Variants in NFAT5 observed in about 807,000 individuals in gnomAD.
NFAT5 encodes the protein nuclear factor of activated T-cells 5.
In NFAT5, 31 loss-of-function variants were observed where a neutral mutation model predicts 166.5. The ratio of observed to expected loss-of-function variants is 0.19; its 90% CI spans 0.14 to 0.25. NFAT5 has a LOEUF of 0.25. Among genes scored for constraint, NFAT5 ranks in the 10% least tolerant of loss-of-function variants. The pLI is 1.00. For missense variants in NFAT5, 1,449 were observed against 1,821.8 expected (o/e 0.80, Z 3.72); for synonymous variants, 612 against 639.7 (o/e 0.96, Z 0.65).
chr16:69,676,554 C>G (rs1332818810), intron 9 of NFAT5, among the ~76,000 whole-genome samples: 2 of 151,640 alleles, frequency 1.3e-5, no homozygotes, highest in African/African-American at 4.9e-5. Flanking sequence ...CAATATGTAC[C>G]TTATGTAAGG....
In NFAT5 at chr16:69,691,855, A is replaced by G. The variant is rs1398457637; in HGVS notation, c.2030A>G (p.Asn677Ser). The change falls in exon 13 of 15, where the codon AAT (asparagine) becomes AGT (serine). Residue 677 changes from asparagine to serine, a missense_variant. Asn to Ser is a conservative substitution (Grantham distance 46, BLOSUM62 1). Transcript: ENST00000349945. ...SPSSSHLPSE[N>S]EKQQQIQPKA... The stretch of plus-strand genomic sequence containing the variant: ...TCATCTTCCCACCTACCTTCTGAAA[A>G]TGAAAAACAGCAGCAGATTCAGCCC... 1.9e-6 allele frequency: 3 copies of G among 1,614,066 alleles called. No homozygotes were observed. The highest frequency in any genetic ancestry group is 1.7e-6 in the Non-Finnish European group (2 of 1,180,046).
At chr16:69,567,706 A>G (rs2016150851) in intron 1 of NFAT5, among the ~76,000 whole-genome samples, 1 of 152,144 alleles carries the variant, frequency 6.6e-6, no homozygotes, top group Non-Finnish European at 1.5e-5. Context: ...CAATGACTTT[A>G]GTTGGCAGCC....
chr16:69,658,486 A>G (rs2035986974), intron 6 of NFAT5, among the ~76,000 whole-genome samples: 2 of 151,054 alleles, frequency 1.3e-5, no homozygotes, highest in African/African-American at 4.8e-5. Flanking sequence ...TCTGTCTCAA[A>G]AAAAAAAAAA....
At chr16:69,677,907 C>T (rs2036895360) in intron 10 of NFAT5, among the ~76,000 whole-genome samples, 1 of 151,928 alleles carries the variant, frequency 6.6e-6, no homozygotes, top group Non-Finnish European at 1.5e-5. Context: ...AATCTCAGCA[C>T]TTTGGGAGGC....
At chr16:69,648,467 C>G (rs2035541021) in intron 4 of NFAT5, 4 of 978,830 alleles carry the variant, frequency 4.1e-6, no homozygotes, top group Non-Finnish European at 4.9e-6. Context: ...TTAAATCACT[C>G]ATTTTTTTTC....
chr16:69,636,952 CAT>C (rs1330570739), intron 3 of NFAT5, among the ~76,000 whole-genome samples: 1 of 152,198 alleles, frequency 6.6e-6, no homozygotes, highest in African/African-American at 2.4e-5. Flanking sequence ...TTTTCTGTCG[CAT>C]AGTCAGGCTG....
At chr16:69,611,317 G>A (rs895206184) in intron 2 of NFAT5, among the ~76,000 whole-genome samples, 4 of 152,154 alleles carry the variant, frequency 2.6e-5, no homozygotes, top group Non-Finnish European at 5.9e-5. Context: ...TCTGTTTTAA[G>A]TATGTGTTCT....
At chr16:69,654,085 A>G (rs2035786404) in intron 5 of NFAT5, among the ~76,000 whole-genome samples, 1 of 152,160 alleles carries the variant, frequency 6.6e-6, no homozygotes, top group Non-Finnish European at 1.5e-5. Flanking sequence ...ACTAAAAGTT[A>G]AAAGGGACTT....
At chr16:69,685,089 T>C (rs1197079462) in intron 11 of NFAT5, 119 bp downstream of exon 11, 6 of 456,476 alleles carry the variant, frequency 1.3e-5, no homozygotes, top group Non-Finnish European at 2.3e-5. Context: ...TATCTTCATA[T>C]TGTAAAATAA....
intron 2 of NFAT5, among the ~76,000 whole-genome samples, chr16:69,572,204 G>A (rs1475270275): frequency 1.3e-5 from 2 of 152,232 alleles, no homozygotes; most frequent in East Asian, 1.9e-4. Flanking sequence ...GCCTGACAAT[G>A]GGAAAAGGGT....
intron 11 of NFAT5, among the ~76,000 whole-genome samples, chr16:69,686,958 G>A (rs530308880): frequency 2.6e-5 from 4 of 152,294 alleles, no homozygotes; most frequent in Admixed American, 2.0e-4. Context: ...ACACCAGCTT[G>A]ATGTTCTTAG....
At chr16:69,604,892 T>C (rs1567534262) in intron 2 of NFAT5, among the ~76,000 whole-genome samples, 1 of 152,246 alleles carries the variant, frequency 6.6e-6, no homozygotes, top group Non-Finnish European at 1.5e-5. Context: ...TCATTTATTC[T>C]TGTGGGGGAA....
chr16:69,586,088 T>TGTAAA (rs2032046562), intron 2 of NFAT5, among the ~76,000 whole-genome samples: 2 of 152,232 alleles, frequency 1.3e-5, no homozygotes, highest in South Asian at 4.1e-4. Flanking sequence ...TACTTTTTTT[T>TGTAAA]GTAAAGTTTG....
chr16:69,599,319 G>A (rs939162146), intron 2 of NFAT5, among the ~76,000 whole-genome samples: 2 of 152,168 alleles, frequency 1.3e-5, no homozygotes, highest in Non-Finnish European at 2.9e-5. Context: ...GCTCACACCT[G>A]CAATCCCAGC....
At chr16:69,639,270 G>A (rs1334350900) in intron 3 of NFAT5, among the ~76,000 whole-genome samples, 6 of 152,156 alleles carry the variant, frequency 3.9e-5, no homozygotes, top group African/African-American at 1.4e-4. Context: ...TGTTTGAATA[G>A]AAAAAAATTT....
At chr16:69,584,040 CATGATG>C (rs2031873006) in intron 2 of NFAT5, among the ~76,000 whole-genome samples, 1 of 152,048 alleles carries the variant, frequency 6.6e-6, no homozygotes, top group Admixed American at 6.6e-5. Flanking sequence ...GCCTGGCCAA[CATGATG>C]AAACCTCATC....
chr16:69,577,832 A>G (rs2016845283), intron 2 of NFAT5, among the ~76,000 whole-genome samples: 1 of 152,162 alleles, frequency 6.6e-6, no homozygotes, highest in South Asian at 2.1e-4. Context: ...AGCCTGGGCA[A>G]CAGAAGAAAC....
intron 2 of NFAT5, among the ~76,000 whole-genome samples, chr16:69,584,811 G>A (rs2031937652): frequency 6.6e-6 from 1 of 151,880 alleles, no homozygotes; most frequent in South Asian, 2.1e-4. Context: ...TTTTGGTGGT[G>A]GATGCACAGC....
chr16:69,676,302 T>G (rs980089058), intron 9 of NFAT5, among the ~76,000 whole-genome samples: 3 of 152,192 alleles, frequency 2.0e-5, no homozygotes, highest in African/African-American at 7.2e-5. Flanking sequence ...GGTGAAACTT[T>G]TATGAACTCT....
Sources: allele counts gnomAD v4.1 joint callset (sites outside exome capture counted in the v4.1 genomes callset), GRCh38; gene constraint gnomAD v4.1.1; transcripts MANE v1.5; gene names NCBI Gene and HGNC (gene_info 2026-07-23, HGNC 2026-07-21).